The following FRMD4B variants were observed in gnomAD, a reference collection of about 807,000 sequenced individuals.
FRMD4B encodes the protein FERM domain-containing protein 4B.
Under a neutral mutation model 141.5 loss-of-function variants are expected in FRMD4B, and 74 were observed. The observed-to-expected ratio is 0.52, with a 90% CI of 0.43 to 0.63. The LOEUF (loss-of-function observed/expected upper bound fraction) is 0.63. FRMD4B is among the 30% of genes least tolerant of loss of function. The probability of loss-of-function intolerance (pLI) is 0.00; values close to 1 mark genes in which losing one functional copy is unlikely to be tolerated. For synonymous variants in FRMD4B, 506 were observed against 467.9 expected (o/e 1.08, Z -1.05); for missense variants, 1,366 against 1,253.4 (o/e 1.09, Z -1.36).
intron 5 of FRMD4B, among the ~76,000 whole-genome samples, chr3:69,256,096 T>TA (rs148497543): frequency 1.3e-5 from 2 of 151,472 alleles, no homozygotes; most frequent in Middle Eastern, 3.2e-3. Context: ...GACCTGTCCT[T>TA]AAAAAAAATA....
At chr3:69,509,278 C>G (rs1193148185) in intron 1 of FRMD4B, among the ~76,000 whole-genome samples, 4 of 152,212 alleles carry the variant, frequency 2.6e-5, no homozygotes, top group Non-Finnish European at 5.9e-5. Flanking sequence ...CCATCTAACT[C>G]TACGTCTTCA....
chr3:69,381,806 T>C (rs1352542078), intron 1 of FRMD4B, among the ~76,000 whole-genome samples: 1 of 152,236 alleles, frequency 6.6e-6, no homozygotes, highest in African/African-American at 2.4e-5. Context: ...GATATTCTAA[T>C]GATGCAGTGA....
At chr3:69,333,287 C>T (rs1171217154) in intron 1 of FRMD4B, among the ~76,000 whole-genome samples, 1 of 152,032 alleles carries the variant, frequency 6.6e-6, no homozygotes, top group Non-Finnish European at 1.5e-5. Flanking sequence ...CTGTCAGAGT[C>T]CTGAAGGCTT....
At chr3:69,251,995 T>C (rs1322135578) in intron 5 of FRMD4B, among the ~76,000 whole-genome samples, 1 of 152,184 alleles carries the variant, frequency 6.6e-6, no homozygotes, top group African/African-American at 2.4e-5. Flanking sequence ...CTTAAAATCT[T>C]AGAGAAGAAA....
At chr3:69,192,754 T>A (rs2092852673) in intron 17 of FRMD4B, among the ~76,000 whole-genome samples, 1 of 152,242 alleles carries the variant, frequency 6.6e-6, no homozygotes. Flanking sequence ...CAATTTTATA[T>A]CTGGCTTTTC....
chr3:69,301,858 T>A (rs1206100797), intron 4 of FRMD4B, among the ~76,000 whole-genome samples: 1 of 152,346 alleles, frequency 6.6e-6, no homozygotes, highest in East Asian at 1.9e-4. Flanking sequence ...TGTTAATTCT[T>A]TCCATGAGCA....
chr3:69,237,393 A>G (rs928492834), intron 7 of FRMD4B, among the ~76,000 whole-genome samples: 1 of 152,274 alleles, frequency 6.6e-6, no homozygotes, highest in Non-Finnish European at 1.5e-5. Flanking sequence ...AGCTATTTAC[A>G]GAGTGAAAAG....
intron 1 of FRMD4B, among the ~76,000 whole-genome samples, chr3:69,317,615 T>C (rs1011318461): frequency 2.0e-5 from 3 of 151,506 alleles, no homozygotes; most frequent in African/African-American, 7.3e-5. Flanking sequence ...ATTAGCTGGG[T>C]GTGGTGGTGT....
intron 11 of FRMD4B, among the ~76,000 whole-genome samples, chr3:69,203,341 A>AAAAAAG (rs1553700373): frequency 2.3e-4 from 18 of 77,034 alleles, no homozygotes; most frequent in Non-Finnish European, 4.1e-4. Context: ...AAAAAAAAAA[A>AAAAAAG]AAAGAAAGAA....
chr3:69,472,938 C>CTTTTTTTTT (rs71618285), intron 1 of FRMD4B, among the ~76,000 whole-genome samples: 2 of 108,330 alleles, frequency 1.8e-5, no homozygotes, highest in African/African-American at 3.9e-5. Context: ...TTTTTTTTTT[C>CTTTTTTTTT]TTTTTTTTTT....
At chr3:69,349,527 G>A (rs1290299008) in intron 1 of FRMD4B, among the ~76,000 whole-genome samples, 1 of 152,126 alleles carries the variant, frequency 6.6e-6, no homozygotes, top group Non-Finnish European at 1.5e-5. Context: ...TCAATCCTAA[G>A]CCAAAAGAAC....
chr3:69,497,623 A>C (rs988948022), intron 1 of FRMD4B, among the ~76,000 whole-genome samples: 3 of 152,212 alleles, frequency 2.0e-5, no homozygotes, highest in African/African-American at 7.2e-5. Context: ...ATTTTTGTGT[A>C]TACAGAGTGA....
chr3:69,481,226 G>A (rs147942255), intron 1 of FRMD4B, among the ~76,000 whole-genome samples: 4,664 of 151,894 alleles, frequency 0.031, 229 homozygotes, highest in African/African-American at 0.11. Context: ...ACTGTCCTGC[G>A]CCCACTGTCT....
chr3:69,529,783 A>G (rs1487320012), intron 1 of FRMD4B, among the ~76,000 whole-genome samples: 2 of 152,222 alleles, frequency 1.3e-5, no homozygotes, highest in African/African-American at 4.8e-5. Flanking sequence ...AAGCAACCCT[A>G]TGAACTAAGG....
At chr3:69,511,836 AC>A (rs1344309698) in intron 1 of FRMD4B, among the ~76,000 whole-genome samples, 2 of 152,174 alleles carry the variant, frequency 1.3e-5, no homozygotes, top group African/African-American at 4.8e-5. Context: ...TGTATCCTGC[AC>A]AGGTGTTTTC....
At chr3:69,356,586 T>TAC (rs1159041462) in intron 1 of FRMD4B, among the ~76,000 whole-genome samples, 5 of 149,836 alleles carry the variant, frequency 3.3e-5, no homozygotes, top group Admixed American at 1.3e-4. Context: ...GATATATATA[T>TAC]ACACACACAC....
intron 1 of FRMD4B, among the ~76,000 whole-genome samples, chr3:69,460,441 G>A (rs1014034426): frequency 6.6e-6 from 1 of 152,178 alleles, no homozygotes; most frequent in Non-Finnish European, 1.5e-5. Flanking sequence ...GCAAGGCTGG[G>A]CAAGTCACTT....
intron 1 of FRMD4B, among the ~76,000 whole-genome samples, chr3:69,523,670 G>C (rs970240996): frequency 1.3e-5 from 2 of 152,088 alleles, no homozygotes; most frequent in African/African-American, 4.8e-5. Context: ...TGAGAGGATG[G>C]GAAATGTGGT....
intron 1 of FRMD4B, chr3:69,353,503 C>G (rs1703221921): frequency 7.0e-6 from 6 of 853,068 alleles, no homozygotes; most frequent in Non-Finnish European, 7.0e-6. Context: ...CACCGTTACA[C>G]AGTCTGCAAC....
Sources: gnomAD v4.1 joint callset for allele counts (sites outside exome capture counted in the v4.1 genomes callset) on GRCh38, gnomAD v4.1.1 for gene constraint, MANE v1.5 for transcripts, NCBI Gene and HGNC (gene_info 2026-07-23, HGNC 2026-07-21) for gene names.